Variants in HIP1 observed in about 807,000 individuals in gnomAD.
HIP1 encodes huntingtin interacting protein 1, also known as huntingtin-interacting protein 1.
A neutral mutation model predicts 147.6 loss-of-function variants in HIP1; 65 were observed. The ratio of observed to expected loss-of-function variants is 0.44; its 90% CI spans 0.36 to 0.54. The LOEUF (loss-of-function observed/expected upper bound fraction) is 0.54. Among genes scored for constraint, HIP1 ranks in the 20% least tolerant of loss-of-function variants. HIP1 has a pLI of 0.00. For missense variants in HIP1, 1,061 were observed against 1,299.6 expected, an observed-to-expected ratio of 0.82 and a Z score of 2.82; for synonymous variants, 479 against 504.0, an observed-to-expected ratio of 0.95 and a Z score of 0.67.
chr7:75,559,703 G>GGCCGGCC, intron 14 of HIP1, 29 bp downstream of exon 14: 1 of 1,195,144 alleles, frequency 8.4e-7, no homozygotes. Context: ...TGCCCCCGGG[G>GGCCGGCC]CCCGCCCCCG....
chr7:75,574,017 T>A lies in HIP1; in HGVS notation c.605-116A>T, dbSNP rs970227706. On this transcript the variant is annotated intron_variant, in intron 7 of 30. Coordinates refer to ENST00000336926, the MANE Select transcript of HIP1 (RefSeq NM_005338.7). ...CCAAGGACCGATTCTGTGCGTGCTTTACCTCATCTAATTCATTTAACCTTC... is the reference window on the plus strand; with the variant it reads ...CCAAGGACCGATTCTGTGCGTGCTTAACCTCATCTAATTCATTTAACCTTC... 6.6e-5 allele frequency: 51 copies of A among 771,318 alleles called. 2 individuals carry two copies. In the South Asian group the frequency reaches 8.8e-4, roughly 13 times the overall value. 47.8% of individuals were successfully genotyped at this position (771,318 alleles called of 1,614,324 possible). A position where few individuals can be genotyped will look rare whatever the true frequency, so the allele number is the denominator to read the frequency against.
chr7:75,613,927 G>A (rs1313620611), intron 1 of HIP1, among the ~76,000 whole-genome samples: 2 of 151,356 alleles, frequency 1.3e-5, no homozygotes, highest in African/African-American at 2.4e-5. Flanking sequence ...GGTTTGCTAT[G>A]TTGCCTAGGC....
chr7:75,544,016 C>T (rs1030682431), intron 27 of HIP1, among the ~76,000 whole-genome samples: 3 of 152,000 alleles, frequency 2.0e-5, no homozygotes, highest in Middle Eastern at 3.2e-3. Flanking sequence ...ACTAAAAATA[C>T]AAAAAATTAG....
chr7:75,584,679 GGGA>G (rs1201251847), intron 5 of HIP1, among the ~76,000 whole-genome samples: 1 of 151,898 alleles, frequency 6.6e-6, no homozygotes, highest in Non-Finnish European at 1.5e-5. Context: ...ACAAGGCAAA[GGGA>G]CCCCTTTGGC....
intron 1 of HIP1, among the ~76,000 whole-genome samples, chr7:75,664,173 T>C (rs868959628): frequency 1.5e-5 from 2 of 137,110 alleles, no homozygotes; most frequent in African/African-American, 5.8e-5. Flanking sequence ...TTTACATACA[T>C]ATATGTACAT....
chr7:75,697,811 C>G (rs1408850905), intron 1 of HIP1, among the ~76,000 whole-genome samples: 1 of 152,038 alleles, frequency 6.6e-6, no homozygotes, highest in African/African-American at 2.4e-5. Flanking sequence ...GACTCCGTCT[C>G]AAAAACAAAA....
At position 75,728,500 on chromosome 7, in the gene HIP1, C is replaced by A. The variant is rs550841184; in HGVS notation, c.120+10301G>T. Among the ~76,000 whole-genome samples the A allele has an allele frequency of 5.1e-4, 77 of 152,290 alleles. 3 individuals are homozygous for A. In the South Asian group the frequency reaches 0.016, roughly 31 times the overall value. On this transcript the variant is annotated intron_variant, in intron 1 of 30. Coordinates refer to ENST00000336926, the MANE Select transcript of HIP1 (RefSeq NM_005338.7). ...CCAGCCCACTGCACAAGGCTGTGCC[C>A]GCTGCCACACCCAGGTCTCCGCCAC...
intron 1 of HIP1, among the ~76,000 whole-genome samples, chr7:75,703,759 TA>T (rs1248341052): frequency 6.6e-6 from 1 of 152,094 alleles, no homozygotes; most frequent in African/African-American, 2.4e-5. Context: ...AAACATAAAG[TA>T]GATCGATCAT....
chr7:75,627,012 G>A (rs1227912492), intron 1 of HIP1: 1 of 152,126 alleles, frequency 6.6e-6, no homozygotes, highest in Non-Finnish European at 1.5e-5. Context: ...CATATTTTCT[G>A]AAAAGTGGCA....
chr7:75,565,237 A>T (rs1430613355), intron 9 of HIP1, among the ~76,000 whole-genome samples: 1 of 152,164 alleles, frequency 6.6e-6, no homozygotes, highest in South Asian at 2.1e-4. Context: ...GGTCTCAGAC[A>T]GCAGCCGTGT....
chr7:75,651,427 C>T lies in HIP1; in HGVS notation c.121-52180G>A, dbSNP rs535235564. 2.8e-3 allele frequency among the ~76,000 whole-genome samples: 364 copies of T among 128,910 alleles called. 4 individuals are homozygous for T. Among genetic ancestry groups the T allele is most frequent in the Middle Eastern group, 0.024 (5 of 210 alleles). The allele number at this position is 128,910 out of a possible 152,430, so 84.6% of individuals were successfully genotyped here. On this transcript the variant is annotated intron_variant, in intron 1 of 30. Transcript: ENST00000336926. ...TGAGCCAAGATTGTGCCACTGCATT[C>T]CAGCCTGGGTTACAGAGTGAGACTC...
At chr7:75,638,688 G>A (rs1234176742) in intron 1 of HIP1, among the ~76,000 whole-genome samples, 2 of 152,180 alleles carry the variant, frequency 1.3e-5, no homozygotes, top group African/African-American at 4.8e-5. Flanking sequence ...GTAGGTGTGC[G>A]GGCAGGGGGC....
At chr7:75,618,969 G>C (rs1797755098) in intron 1 of HIP1, among the ~76,000 whole-genome samples, 1 of 151,918 alleles carries the variant, frequency 6.6e-6, no homozygotes, top group African/African-American at 2.4e-5. Flanking sequence ...CAACATCCTT[G>C]ACATCCCACC....
intron 1 of HIP1, among the ~76,000 whole-genome samples, chr7:75,687,550 G>A (rs1554517695): frequency 6.6e-6 from 1 of 152,160 alleles, no homozygotes; most frequent in Non-Finnish European, 1.5e-5. Context: ...AATTAGCCAG[G>A]CTTGGTGGCG....
At chr7:75,562,246 G>A in intron 11 of HIP1, 76 bp from the exon 12 acceptor site, 2 of 920,202 alleles carry the variant, frequency 2.2e-6, no homozygotes, top group Admixed American at 1.7e-5. Flanking sequence ...TGAGTGATAT[G>A]GGAGAATGCC....
rs781891549 is a variant in HIP1 at position 75,586,744 on chromosome 7, G to A, written c.465+9C>T. 1.2e-5 allele frequency: 19 copies of A among 1,592,848 alleles called. No individual in the cohort carries two copies. Among genetic ancestry groups the A allele is most frequent in the Non-Finnish European group, 1.6e-5 (18 of 1,161,148 alleles). On this transcript the variant is annotated intron_variant, in intron 5 of 30. Transcript: ENST00000336926. Reference sequence around the variant, plus strand: ...GGCGGTGGCGGCAGAACTGTCCGCAGAGACTCACTTTGGTGTGGTACTCCA... The same window carrying A: ...GGCGGTGGCGGCAGAACTGTCCGCAAAGACTCACTTTGGTGTGGTACTCCA...
chr7:75,631,455 G>A (rs1554508886), intron 1 of HIP1, among the ~76,000 whole-genome samples: 3 of 152,126 alleles, frequency 2.0e-5, no homozygotes, highest in East Asian at 1.9e-4. Context: ...AGCATCTGGA[G>A]CAGCCTCAGG....
chr7:75,536,444 C>A lies in HIP1; in HGVS notation c.*1728G>T. ...AAAACCTAGCAATATTCTGTTGGAG[C>A]AGATCCTGGGAAGTGCTTGATGGCT... On this transcript the variant is annotated 3_prime_UTR_variant, in exon 31 of 31. Coordinates refer to ENST00000336926, the MANE Select transcript of HIP1 (RefSeq NM_005338.7). 1 of 229,154 alleles carries A rather than the reference C, an allele frequency of 4.4e-6. No individual in the cohort carries two copies. Among genetic ancestry groups the A allele is most frequent in the Non-Finnish European group, 8.7e-6 (1 of 115,278 alleles). The allele number at this position is 229,154 out of a possible 1,614,324, so 14.2% of individuals were successfully genotyped here.
At position 75,592,114 on chromosome 7, in the gene HIP1, T is replaced by C; in HGVS notation, c.328-2A>G. 6.2e-7 allele frequency: 1 copy of C among 1,613,110 alleles called. No individual in the cohort carries two copies. The highest frequency in any genetic ancestry group is 1.3e-5 in the African/African-American group (1 of 75,052). On this transcript the variant is annotated splice_acceptor_variant, in intron 3 of 30. Coordinates refer to ENST00000336926, the MANE Select transcript of HIP1 (RefSeq NM_005338.7). LOFTEE classifies it high-confidence loss of function. ...GTATCTCAGAGAGTCCTTCAGGACC[T>C]GCAGGGGCAAAAGAACAGCCTGTGA...
Sources: allele counts gnomAD v4.1 joint callset (sites outside exome capture counted in the v4.1 genomes callset), GRCh38; gene constraint gnomAD v4.1.1; transcripts MANE v1.5; gene names NCBI Gene and HGNC (gene_info 2026-07-23, HGNC 2026-07-21).